MAX: variants seen among roughly 807,000 people sequenced by gnomAD.
MAX encodes the protein protein max.
In MAX, 3 loss-of-function variants were observed where a neutral mutation model predicts 22.3. That is an observed-to-expected ratio of 0.13 (90% CI 0.06 to 0.35). The LOEUF is 0.35. MAX is among the 10% of genes least tolerant of loss of function. The pLI, the probability that MAX is intolerant of heterozygous loss-of-function variation, is 1.00. For missense variants in MAX, 119 were observed against 209.4 expected (o/e 0.57, Z 2.66); for synonymous variants, 72 against 77.7 (o/e 0.93, Z 0.39).
At chr14:65,024,439 C>T (rs905688274) in intron 3 of MAX, among the ~76,000 whole-genome samples, 4 of 152,144 alleles carry the variant, frequency 2.6e-5, no homozygotes, top group African/African-American at 9.7e-5. Context: ...TACAAAGGCC[C>T]AGGATCTTTT....
At chr14:65,013,601 G>T (rs969791133) in intron 3 of MAX, among the ~76,000 whole-genome samples, 2 of 152,218 alleles carry the variant, frequency 1.3e-5, no homozygotes, top group Non-Finnish European at 2.9e-5. Flanking sequence ...CCAGGCTGGA[G>T]TGCAGTGGCA....
Position 65,078,021 on chromosome 14 carries a change from T to C in MAX, c.187A>G (p.Ile63Val). ...LQGEKASRAQ[I>V]LDKATEYIQY... The stretch of plus-strand genomic sequence containing the variant: ...ATATATTCTGTGGCTTTGTCTAGGA[T>C]TTGGGCCCGGGATGCCTGTGGCAAT... Residue 63 changes from isoleucine (I) to valine (V), a missense_variant, in exon 4 of 5, where the codon ATC (isoleucine) becomes GTC (valine). By Grantham distance (29) the Ile-to-Val change is conservative. Coordinates refer to ENST00000358664, the MANE Select transcript of MAX (RefSeq NM_002382.5). This position sits in a 1 kb window ranked among gnomAD's most constrained non-coding sequence, Gnocchi z 6.4. 1 of 1,614,118 alleles carries C rather than the reference T, an allele frequency of 6.2e-7. No individual in the cohort carries two copies. Among genetic ancestry groups the C allele is most frequent in the Non-Finnish European group, 8.5e-7 (1 of 1,180,020 alleles).
At chr14:65,048,638 A>G (rs1304205003) in intron 3 of MAX, among the ~76,000 whole-genome samples, 1 of 152,184 alleles carries the variant, frequency 6.6e-6, no homozygotes, top group Non-Finnish European at 1.5e-5. Flanking sequence ...GGACCTCTTG[A>G]GCTCAGGAGT....
chr14:65,027,714 T>A lies in MAX; in HGVS notation c.172-21430A>T. Reference sequence around the variant, plus strand: ...GTTTCTCAGAGAGAAGCTTCTTCAGTATTTGTACTCCCTGAAGCAACCTGA... The same window carrying A: ...GTTTCTCAGAGAGAAGCTTCTTCAGAATTTGTACTCCCTGAAGCAACCTGA... On this transcript the variant is annotated intron_variant, in intron 3 of 3. Transcript: ENST00000341653. This position sits in a 1 kb window ranked among gnomAD's most constrained non-coding sequence, Gnocchi z 5.7. The A allele has an allele frequency of 3.1e-6, 5 of 1,614,190 alleles. No homozygotes were observed. Among genetic ancestry groups the A allele is most frequent in the Non-Finnish European group, 4.2e-6 (5 of 1,180,036 alleles).
intron 3 of MAX, among the ~76,000 whole-genome samples, chr14:65,050,641 T>A (rs1362803645): frequency 1.3e-5 from 2 of 152,214 alleles, no homozygotes; most frequent in Non-Finnish European, 2.9e-5. Flanking sequence ...AGCAAAATTT[T>A]AAATTTTGCT....
intron 3 of MAX, among the ~76,000 whole-genome samples, chr14:65,059,474 G>A (rs1490915936): frequency 6.6e-6 from 1 of 152,090 alleles, no homozygotes; most frequent in Non-Finnish European, 1.5e-5. Flanking sequence ...AGCAATTGTT[G>A]TTACTAATTT....
chr14:65,069,216 T>C lies in MAX; in HGVS notation c.171+24492A>G, dbSNP rs1027692617. Among the ~76,000 whole-genome samples, 4 of 152,176 alleles carry C rather than the reference T, an allele frequency of 2.6e-5. No individual in the cohort carries two copies. The highest frequency in any genetic ancestry group is 9.7e-5 in the African/African-American group (4 of 41,448). ...CGTGACCCAACCTGTGCAGAGCAGA[T>C]GGCTCTGGCCCACCCTCCCTTCACC... is the stretch of plus-strand genomic sequence containing the variant. On this transcript the variant is annotated intron_variant, in intron 3 of 3. Coordinates refer to the MAX transcript ENST00000341653. This position sits in a 1 kb window ranked among gnomAD's most constrained non-coding sequence, Gnocchi z 4.6.
chr14:65,080,569 T>A (rs2063175055), intron 3 of MAX, among the ~76,000 whole-genome samples: 1 of 152,154 alleles, frequency 6.6e-6, no homozygotes, highest in South Asian at 2.1e-4. Context: ...CATTAATGGG[T>A]TCTGTAGCTG....
Position 65,075,662 on chromosome 14 carries a change from A to T in MAX, c.*814T>A, listed in dbSNP as rs1164789211. The T allele has an allele frequency of 9.4e-7, 1 of 1,066,270 alleles. No individual in the cohort carries two copies. Among genetic ancestry groups the T allele is most frequent in the Non-Finnish European group, 1.1e-6 (1 of 879,754 alleles). 66.1% of individuals were successfully genotyped at this position (1,066,270 alleles called of 1,614,324 possible). On this transcript the variant is annotated 3_prime_UTR_variant, in exon 5 of 5. Coordinates refer to ENST00000358664, the MANE Select transcript of MAX (RefSeq NM_002382.5). The surrounding 1 kb of genome is among the most constrained non-coding windows in gnomAD (Gnocchi z 4.1). The stretch of plus-strand genomic sequence containing the variant: ...AGGAAATAAATATCAAAACATCATC[A>T]CTGGCCCTCAATACAAAACCTCTAT...
chr14:65,030,512 G>A lies in MAX; in HGVS notation c.172-24228C>T, dbSNP rs189248778. On this transcript the variant is annotated intron_variant, in intron 3 of 3. Transcript: ENST00000341653. The surrounding 1 kb of genome is among the most constrained non-coding windows in gnomAD (Gnocchi z 4.5). ...TCAACACTTTGAGAGACTGAGATGA[G>A]AGAATCACTTGAGGCCAGGAGTTCA... Among the ~76,000 whole-genome samples the A allele has an allele frequency of 6.6e-6, 1 of 152,298 alleles. No homozygotes were observed. The highest frequency in any genetic ancestry group is 2.4e-5 in the African/African-American group (1 of 41,560).
intron 2 of MAX, among the ~76,000 whole-genome samples, chr14:65,099,822 TAAAAC>T (rs1352032515): frequency 2.0e-5 from 3 of 152,078 alleles, no homozygotes; most frequent in Non-Finnish European, 4.4e-5. Flanking sequence ...ATAAATAAAA[TAAAAC>T]AAATTATCTT....
intron 3 of MAX, among the ~76,000 whole-genome samples, chr14:65,033,941 ATTTTAT>A (rs2062138753): frequency 1.3e-5 from 2 of 152,200 alleles, no homozygotes; most frequent in Non-Finnish European, 2.9e-5. Flanking sequence ...AGTTAAAAAA[ATTTTAT>A]TTTTATCAAA....
intron 3 of MAX, among the ~76,000 whole-genome samples, chr14:65,056,146 T>C (rs2062732367): frequency 6.6e-6 from 1 of 152,236 alleles, no homozygotes; most frequent in African/African-American, 2.4e-5. Flanking sequence ...TTTCAAACTT[T>C]TTGTAATGGT....
chr14:65,083,072 G>A (rs1300952729), intron 3 of MAX, among the ~76,000 whole-genome samples: 1 of 152,210 alleles, frequency 6.6e-6, no homozygotes, highest in Non-Finnish European at 1.5e-5. Flanking sequence ...GACCCAGGGT[G>A]TGGCAGAGGG....
chr14:65,093,385 T>C lies in MAX; in HGVS notation c.171+323A>G. ...TAATGACCTCTGGAATCTTTACTGT[T>C]ATCCCAAACGAACTCTTGGCCACTC... On this transcript the variant is annotated intron_variant, in intron 3 of 4. Coordinates refer to ENST00000358664, the MANE Select transcript of MAX (RefSeq NM_002382.5). This position sits in a 1 kb window ranked among gnomAD's most constrained non-coding sequence, Gnocchi z 4.4. The C allele has an allele frequency of 5.6e-6, 2 of 354,480 alleles. No individual in the cohort carries two copies. Among genetic ancestry groups the C allele is most frequent in the Non-Finnish European group, 1.1e-5 (2 of 183,590 alleles). The allele number at this position is 354,480 out of a possible 1,614,324, so 22.0% of individuals were successfully genotyped here. A position where few individuals can be genotyped will look rare whatever the true frequency, so the allele number is the denominator to read the frequency against.
At chr14:65,026,464 C>T (rs946997202) in intron 3 of MAX, among the ~76,000 whole-genome samples, 2 of 152,250 alleles carry the variant, frequency 1.3e-5, no homozygotes, top group South Asian at 2.1e-4. Flanking sequence ...ATTCTCACGG[C>T]GAGTCAGTGC....
intron 3 of MAX, among the ~76,000 whole-genome samples, chr14:65,021,424 T>A (rs2061884420): frequency 1.3e-5 from 2 of 152,170 alleles, no homozygotes; most frequent in Non-Finnish European, 2.9e-5. Context: ...CCCTTAAATA[T>A]TTTTCCTTTT....
chr14:65,051,340 T>C (rs1595093537), intron 3 of MAX, among the ~76,000 whole-genome samples: 1 of 152,368 alleles, frequency 6.6e-6, no homozygotes. Context: ...CTGGGTGCGG[T>C]GGCCCATGCC....
Position 65,023,921 on chromosome 14 carries a change from T to C in MAX, c.172-17637A>G, listed in dbSNP as rs533670764. On this transcript the variant is annotated intron_variant, in intron 3 of 3. Transcript: ENST00000341653. This position sits in a 1 kb window ranked among gnomAD's most constrained non-coding sequence, Gnocchi z 4.1. ...TTCGAGACCAGCCTGGGCAACACAGTGAAACCCTGACTCTACTAAAAAATA... is the reference window on the plus strand; with the variant it reads ...TTCGAGACCAGCCTGGGCAACACAGCGAAACCCTGACTCTACTAAAAAATA... Among the ~76,000 whole-genome samples, 1 of 152,070 alleles carries C rather than the reference T, an allele frequency of 6.6e-6. No individual in the cohort carries two copies. Among genetic ancestry groups the C allele is most frequent in the Admixed American group, 6.6e-5 (1 of 15,244 alleles).
Sources: gnomAD v4.1 joint callset for allele counts (sites outside exome capture counted in the v4.1 genomes callset) on GRCh38, gnomAD v4.1.1 for gene constraint, Gnocchi (gnomAD v3.1) non-coding constraint, MANE v1.5 for transcripts, NCBI Gene and HGNC (gene_info 2026-07-23, HGNC 2026-07-21) for gene names.